The following ABLIM1 variants were observed in gnomAD, a reference collection of about 807,000 sequenced individuals.
The protein encoded by ABLIM1 is actin-binding LIM protein 1.
Under a neutral mutation model 107.0 loss-of-function variants are expected in ABLIM1, and 40 were observed. That is an observed-to-expected ratio of 0.37 (90% CI 0.29 to 0.49). ABLIM1 has a LOEUF of 0.49. Among genes scored for constraint, ABLIM1 ranks in the 20% least tolerant of loss-of-function variants. The pLI is 0.97. For synonymous variants in ABLIM1, 357 were observed against 357.3 expected (o/e 1.00, Z 0.01); for missense variants, 857 against 1,008.5 (o/e 0.85, Z 2.04).
At chr10:114,798,562 C>CCCT in the ABLIM1 span, among the ~76,000 whole-genome samples, 57 of 147,530 alleles carry the variant, frequency 3.9e-4, 2 homozygotes, top group Admixed American at 1.7e-3. Flanking sequence ...TGAGACCCCC[C>CCCT]CCCCATGTCT....
At chr10:114,439,797 C>G (rs1589666966) in intron 20 of ABLIM1, 1 of 508,472 alleles carries the variant, frequency 2.0e-6, no homozygotes, top group East Asian at 3.2e-5. Context: ...TGAGCAGACC[C>G]TTGATGCTGG....
intron 1 of ABLIM1, among the ~76,000 whole-genome samples, chr10:114,734,528 A>G (rs1393008335): frequency 6.6e-6 from 1 of 151,692 alleles, no homozygotes; most frequent in East Asian, 2.0e-4. Flanking sequence ...TGTTCCCCCA[A>G]TCCTCCTTCT....
chr10:114,520,590 AATAG>A (rs1370751444), intron 6 of ABLIM1, among the ~76,000 whole-genome samples: 1 of 151,960 alleles, frequency 6.6e-6, no homozygotes, highest in East Asian at 1.9e-4. Context: ...ACTTTTGACT[AATAG>A]ATTTGTTTAC....
At chr10:114,450,480 A>G (rs1478231898) in intron 14 of ABLIM1, among the ~76,000 whole-genome samples, 2 of 139,578 alleles carry the variant, frequency 1.4e-5, no homozygotes, top group Admixed American at 7.6e-5. Flanking sequence ...CTGTCGCCCA[A>G]GCTGGAGTGC....
At chr10:114,664,533 TA>T (rs1315115202) in intron 1 of ABLIM1, among the ~76,000 whole-genome samples, 6 of 151,964 alleles carry the variant, frequency 3.9e-5, no homozygotes, top group Admixed American at 6.5e-5. Context: ...TTCTCTTTTT[TA>T]AAAAATGTTA....
chr10:114,667,807 T>C (rs1249153860), intron 1 of ABLIM1, among the ~76,000 whole-genome samples: 4 of 152,224 alleles, frequency 2.6e-5, no homozygotes, highest in Non-Finnish European at 5.9e-5. Flanking sequence ...CAGCATGTTT[T>C]TGAGACTCAT....
intron 4 of ABLIM1, among the ~76,000 whole-genome samples, chr10:114,552,456 A>G (rs964365937): frequency 3.3e-5 from 5 of 151,310 alleles, no homozygotes; most frequent in African/African-American, 1.2e-4. Flanking sequence ...GGAACTTGCC[A>G]GTGTCCTACC....
chr10:114,671,069 C>T (rs2080234584), intron 1 of ABLIM1, among the ~76,000 whole-genome samples: 1 of 152,184 alleles, frequency 6.6e-6, no homozygotes. Flanking sequence ...AGAAGGTTTC[C>T]TTACACCCTT....
chr10:114,537,753 T>G (rs920342032), intron 6 of ABLIM1, among the ~76,000 whole-genome samples: 6 of 152,194 alleles, frequency 3.9e-5, no homozygotes, highest in African/African-American at 1.4e-4. Context: ...GATAACAGGA[T>G]CAGATAACAT....
intron 1 of ABLIM1, among the ~76,000 whole-genome samples, chr10:114,603,414 T>C (rs1021619936): frequency 1.3e-5 from 2 of 151,852 alleles, no homozygotes; most frequent in Non-Finnish European, 2.9e-5. Flanking sequence ...CTGATCTGTG[T>C]TCTCTGCAAG....
chr10:114,564,376 T>C (rs2070330382), intron 4 of ABLIM1, among the ~76,000 whole-genome samples: 2 of 151,630 alleles, frequency 1.3e-5, no homozygotes, highest in African/African-American at 4.8e-5. Context: ...GCGATTCTTC[T>C]CCCTTAGCCT....
chr10:114,660,543 G>T (rs1476228059), upstream of ABLIM1, among the ~76,000 whole-genome samples: 1 of 152,074 alleles, frequency 6.6e-6, no homozygotes, highest in East Asian at 1.9e-4. Context: ...GTGATTTCTG[G>T]GCCAATTTGT....
At chr10:114,516,457 G>C (rs1253528278) in intron 6 of ABLIM1, among the ~76,000 whole-genome samples, 1 of 152,272 alleles carries the variant, frequency 6.6e-6, no homozygotes, top group African/African-American at 2.4e-5. Flanking sequence ...TGGGGAGACA[G>C]AGGTTGCAGT....
intron 1 of ABLIM1, chr10:114,632,276 C>A (rs977068930): frequency 1.0e-6 from 1 of 985,456 alleles, no homozygotes. Context: ...GTATTCCTCG[C>A]ACCGAGGACG....
chr10:114,452,902 C>A (rs1255722641), intron 13 of ABLIM1, among the ~76,000 whole-genome samples: 1 of 152,150 alleles, frequency 6.6e-6, no homozygotes, highest in Non-Finnish European at 1.5e-5. Flanking sequence ...ACCAATTCAC[C>A]CAATTCTACA....
At chr10:114,712,584 C>T (rs1045189648) in intron 1 of ABLIM1, among the ~76,000 whole-genome samples, 15 of 152,248 alleles carry the variant, frequency 9.9e-5, no homozygotes, top group South Asian at 2.1e-4. Flanking sequence ...CCCAGCTCCC[C>T]GAAGCCATGC....
intron 1 of ABLIM1, among the ~76,000 whole-genome samples, chr10:114,656,874 T>C (rs537771396): frequency 6.6e-6 from 1 of 152,156 alleles, no homozygotes; most frequent in South Asian, 2.1e-4. Context: ...AATAGGGAAA[T>C]CTAAGAGGCA....
At chr10:114,714,173 C>T (rs957585718) in intron 1 of ABLIM1, among the ~76,000 whole-genome samples, 4 of 152,306 alleles carry the variant, frequency 2.6e-5, no homozygotes, top group East Asian at 1.9e-4. Context: ...GTTTATTAAT[C>T]GCAAGGCTGG....
intron 6 of ABLIM1, among the ~76,000 whole-genome samples, chr10:114,518,976 A>G (rs2063329434): frequency 6.6e-6 from 1 of 152,160 alleles, no homozygotes; most frequent in Non-Finnish European, 1.5e-5. Context: ...TTGTTTAAAA[A>G]CAAAGTGAAA....
Sources: allele counts gnomAD v4.1 joint callset (sites outside exome capture counted in the v4.1 genomes callset), GRCh38; gene constraint gnomAD v4.1.1; transcripts MANE v1.5; gene names NCBI Gene and HGNC (gene_info 2026-07-23, HGNC 2026-07-21).